Variants in INCENP observed in about 807,000 individuals in gnomAD.
INCENP encodes the protein binds and activates aurora-B and -C in vivo and in vitro.
INCENP carries 43 observed loss-of-function variants against 107.3 expected under a neutral mutation model. The observed-to-expected ratio is 0.40, with a 90% CI of 0.31 to 0.52. INCENP has a LOEUF of 0.52. Ranked by LOEUF, INCENP falls within the 20% of genes least tolerant of loss-of-function variation. The pLI, the probability that INCENP is intolerant of heterozygous loss-of-function variation, is 0.53. For missense variants in INCENP, 1,089 were observed against 1,250.9 expected, an observed-to-expected ratio of 0.87 and a Z score of 1.95; for synonymous variants, 488 against 494.4, an observed-to-expected ratio of 0.99 and a Z score of 0.17.
chr11:62,128,761 G>T lies in INCENP; in HGVS notation c.141-9G>T, dbSNP rs1456904272. On this transcript the variant is annotated splice_polypyrimidine_tract_variant and intron_variant, in intron 2 of 18. Transcript: ENST00000394818. ...CAGCCTCGAGTGACACCCTCCTTGT[G>T]CCAAACAGAGAATTCAGCAAAGAGC... 1.2e-6 allele frequency: 2 copies of T among 1,603,818 alleles called. No homozygotes were observed. Among genetic ancestry groups the T allele is most frequent in the East Asian group, 4.5e-5 (2 of 44,846 alleles).
intron 8 of INCENP, 120 bp downstream of exon 8, chr11:62,140,405 G>T: frequency 1.1e-6 from 1 of 918,830 alleles, no homozygotes; most frequent in Non-Finnish European, 1.7e-6. Context: ...CTGCTGGGGT[G>T]TGGCCTGGTG....
chr11:62,153,020 G>A lies in INCENP; in HGVS notation c.*1044G>A, dbSNP rs1011812354. The A allele has an allele frequency of 6.6e-6, 1 of 152,226 alleles. No individual in the cohort carries two copies. The highest frequency in any genetic ancestry group is 1.5e-5 in the Non-Finnish European group (1 of 68,044). 9.4% of individuals were successfully genotyped at this position (152,226 alleles called of 1,614,324 possible). On this transcript the variant is annotated 3_prime_UTR_variant, in exon 19 of 19. Transcript: ENST00000394818. ...AGCAATGGAAATGCCCATTTCCATT[G>A]TTGTCTCCAGTTGCTCTGCTCCGAG...
At chr11:62,151,730 C>T (rs2134690438) in intron 18 of INCENP, 32 bp from the exon 19 acceptor site, 1 of 1,590,800 alleles carries the variant, frequency 6.3e-7, no homozygotes, top group East Asian at 2.2e-5. Context: ...TGGAGAGCCC[C>T]AAGGCAGTGT....
rs1228875527 is a variant in INCENP at position 62,128,248 on chromosome 11, G to A, written c.87G>A (p.Lys29=). The part of the protein sequence containing the change: ...LMEFLCNMDN[K]DLVWLEEIQE... ...AGTTTCTCTGCAACATGGATAATAA[G>A]GACTTGGTGTGGCTTGAGGAAATCC... Residue 29 remains lysine (K), a synonymous_variant, in exon 2 of 19, where the codon AAG becomes AAA. Transcript: ENST00000394818. 1 of 1,614,194 alleles carries A rather than the reference G, an allele frequency of 6.2e-7. No homozygotes were observed. Among genetic ancestry groups the A allele is most frequent in the Admixed American group, 1.7e-5 (1 of 60,032 alleles).
At chr11:62,146,333 A>G (rs11230928) in intron 14 of INCENP, among the ~76,000 whole-genome samples, 70,808 of 152,168 alleles carry the variant, frequency 0.47, 19,210 homozygotes, top group Middle Eastern at 0.68. Flanking sequence ...CATGAAGTGT[A>G]GGAATAACTG....
intron 7 of INCENP, among the ~76,000 whole-genome samples, chr11:62,139,333 G>T (rs968744930): frequency 9.9e-5 from 15 of 152,114 alleles, no homozygotes; most frequent in African/African-American, 3.1e-4. Context: ...AGAGCTGTGG[G>T]CTGGGGATTG....
intron 18 of INCENP, 28 bp downstream of exon 18, chr11:62,150,235 G>C: frequency 6.2e-7 from 1 of 1,612,444 alleles, no homozygotes; most frequent in Non-Finnish European, 8.5e-7. Context: ...CTCCCTGGGA[G>C]ACTCAGGCCC....
chr11:62,125,908 A>G (rs1399759121), intron 1 of INCENP, among the ~76,000 whole-genome samples: 1 of 152,228 alleles, frequency 6.6e-6, no homozygotes, highest in Non-Finnish European at 1.5e-5. Context: ...GAGAATTACA[A>G]TCAATGAATG....
chr11:62,148,797 A>G lies in INCENP; in HGVS notation c.2342A>G (p.Lys781Arg). The change falls in exon 17 of 19, where the codon AAG (lysine) becomes AGG (arginine). Residue 781 changes from lysine (K) to arginine (R), a missense_variant. Coordinates refer to ENST00000394818, the MANE Select transcript of INCENP (RefSeq NM_001040694.2). ...QLQEEQEKKAKEAAGASKALN... is the reference protein window; with the variant it reads ...QLQEEQEKKAREAAGASKALN... ...CAGGAGGAGCAAGAGAAGAAAGCCA[A>G]GGAGGCAGCAGGGGCCAGCAAGGCC... The G allele has an allele frequency of 1.9e-6, 3 of 1,606,812 alleles. No individual in the cohort carries two copies. Among genetic ancestry groups the G allele is most frequent in the Non-Finnish European group, 2.5e-6 (3 of 1,177,130 alleles).
At chr11:62,127,833 A>G (rs1185817692) in intron 1 of INCENP, among the ~76,000 whole-genome samples, 2 of 151,976 alleles carry the variant, frequency 1.3e-5, no homozygotes, top group African/African-American at 4.8e-5. Flanking sequence ...AGAAAAGGCC[A>G]TTTATAAGGA....
At chr11:62,146,132 A>G (rs1944237650) in intron 14 of INCENP, among the ~76,000 whole-genome samples, 2 of 152,196 alleles carry the variant, frequency 1.3e-5, no homozygotes. Flanking sequence ...TAAGAGTTCT[A>G]TACAATTGCT....
chr11:62,145,752 G>T lies in INCENP; in HGVS notation c.1959+1G>T. 1 of 1,551,892 alleles carries T rather than the reference G, an allele frequency of 6.4e-7. No individual in the cohort carries two copies. The highest frequency in any genetic ancestry group is 8.7e-7 in the Non-Finnish European group (1 of 1,147,726). ...ACGTAGGCTCAGGTGGCTGCAGCAG[G>T]TGCGAGCACAGGTGGGCCTCAGGGA... On this transcript the variant is annotated splice_donor_variant, in intron 14 of 18. Coordinates refer to ENST00000394818, the MANE Select transcript of INCENP (RefSeq NM_001040694.2). LOFTEE classifies it high-confidence loss of function.
chr11:62,140,225 T>C lies in INCENP; in HGVS notation c.1292-9T>C, dbSNP rs933117445. On this transcript the variant is annotated splice_polypyrimidine_tract_variant and intron_variant, in intron 7 of 18. Coordinates refer to ENST00000394818, the MANE Select transcript of INCENP (RefSeq NM_001040694.2). ...TTCTGCAGCCTTGCTGAAATTGCTG[T>C]CTTCACAGAGGCCAAGACGGACCAA... is the stretch of plus-strand genomic sequence containing the variant. The C allele has an allele frequency of 3.7e-6, 6 of 1,613,188 alleles. No homozygotes were observed. The highest frequency in any genetic ancestry group is 5.1e-6 in the Non-Finnish European group (6 of 1,179,612).
chr11:62,151,877 C>G lies in INCENP; in HGVS notation c.2658C>G (p.Pro886=). 2 of 1,614,188 alleles carry G rather than the reference C, an allele frequency of 1.2e-6. No individual in the cohort carries two copies. Among genetic ancestry groups the G allele is most frequent in the South Asian group, 1.1e-5 (1 of 91,088 alleles). Residue 886 remains proline (P), a synonymous_variant, in exon 19 of 19, where the codon CCC becomes CCG. Transcript: ENST00000394818. ...AGGATATCTTCAAGAAGAGCAAGCC[C>G]CGCTATCACAAGCGCACCAGCTCTG... is the stretch of plus-strand genomic sequence containing the variant. ...DLEDIFKKSK[P]RYHKRTSSAV... is the part of the protein sequence containing the mutation.
At chr11:62,126,621 G>A (rs1943756933) in intron 1 of INCENP, among the ~76,000 whole-genome samples, 1 of 152,116 alleles carries the variant, frequency 6.6e-6, no homozygotes, top group African/African-American at 2.4e-5. Flanking sequence ...TCACCTGTTG[G>A]GATATTTAAT....
chr11:62,138,636 G>T, intron 5 of INCENP, 77 bp from the exon 6 acceptor site: 1 of 1,424,402 alleles, frequency 7.0e-7, no homozygotes, highest in Non-Finnish European at 9.8e-7. Flanking sequence ...CCCATCCCTG[G>T]AATGGTAGAG....
In INCENP at chr11:62,150,087, C is replaced by T. The variant is rs1396965463; in HGVS notation, c.2422C>T (p.Pro808Ser). 2 of 1,614,066 alleles carry T rather than the reference C, an allele frequency of 1.2e-6. No individual in the cohort carries two copies. The highest frequency in any genetic ancestry group is 2.2e-5 in the South Asian group (2 of 91,080). The change falls in exon 18 of 19, where the codon CCG (proline) becomes TCG (serine). Residue 808 changes from proline (P) to serine (S), a missense_variant. By Grantham distance (74) the Pro-to-Ser change is moderately conservative. Coordinates refer to ENST00000394818, the MANE Select transcript of INCENP (RefSeq NM_001040694.2). ...SPACTSYQMT[P>S]QGHRAPPKIN... ...AGCTTGTACCTCATATCAGATGACT[C>T]CGCAAGGGCACAGGGCCCCTCCCAA...
chr11:62,150,530 G>T (rs1944352006), intron 18 of INCENP, among the ~76,000 whole-genome samples: 1 of 152,240 alleles, frequency 6.6e-6, no homozygotes, highest in African/African-American at 2.4e-5. Flanking sequence ...GTCCCATCCA[G>T]CAGGGCTGAA....
intron 16 of INCENP, 88 bp from the exon 17 acceptor site, chr11:62,148,651 A>G (rs1944308255): frequency 8.3e-6 from 12 of 1,447,054 alleles, no homozygotes; most frequent in Non-Finnish European, 1.1e-5. Flanking sequence ...AGGGGAGGGA[A>G]AGGGAGGAGA....
Sources: gnomAD v4.1 joint callset for allele counts (sites outside exome capture counted in the v4.1 genomes callset) on GRCh38, gnomAD v4.1.1 for gene constraint, MANE v1.5 for transcripts, NCBI Gene and HGNC (gene_info 2026-07-23, HGNC 2026-07-21) for gene names.